JAM2: variants seen among roughly 807,000 people sequenced by gnomAD.
JAM2 encodes the protein junctional adhesion molecule B.
Under a neutral mutation model 42.0 loss-of-function variants are expected in JAM2, and 17 were observed. That is an observed-to-expected ratio of 0.40 (90% confidence interval 0.28 to 0.61). JAM2 has a LOEUF of 0.61. Among genes scored for constraint, JAM2 ranks in the 20% least tolerant of loss-of-function variants. The pLI is 0.37. For missense variants in JAM2, 319 were observed against 358.3 expected, an observed-to-expected ratio of 0.89 and a Z score of 0.89; for synonymous variants, 118 against 128.6, an observed-to-expected ratio of 0.92 and a Z score of 0.56.
chr21:25,676,988 T>C (rs535524711), intron 1 of JAM2, among the ~76,000 whole-genome samples: 1 of 152,270 alleles, frequency 6.6e-6, no homozygotes, highest in South Asian at 2.1e-4. Flanking sequence ...GACCATACAT[T>C]TTAAATATTT....
intron 8 of JAM2, chr21:25,710,056 A>T (rs2034350897): frequency 6.6e-6 from 1 of 152,210 alleles, no homozygotes; most frequent in South Asian, 2.1e-4. Context: ...ATGGTAGTAC[A>T]GAGAGAATGA....
intron 2 of JAM2, among the ~76,000 whole-genome samples, chr21:25,685,357 C>CA (rs1047003610): frequency 8.6e-5 from 13 of 151,022 alleles, no homozygotes; most frequent in Non-Finnish European, 1.5e-4. Flanking sequence ...CCTGTTTCTA[C>CA]AAAAAAACAA....
chr21:25,707,032 C>T (rs1190394083), intron 7 of JAM2, among the ~76,000 whole-genome samples: 1 of 152,064 alleles, frequency 6.6e-6, no homozygotes, highest in Non-Finnish European at 1.5e-5. Flanking sequence ...GCCACCGCGC[C>T]CAGACAAGAT....
intron 6 of JAM2, among the ~76,000 whole-genome samples, chr21:25,705,154 T>A (rs1253614032): frequency 6.6e-6 from 1 of 152,198 alleles, no homozygotes; most frequent in Non-Finnish European, 1.5e-5. Flanking sequence ...TACACCCATA[T>A]ACATATAATT....
chr21:25,675,602 A>G (rs1399735858), intron 1 of JAM2, among the ~76,000 whole-genome samples: 1 of 133,700 alleles, frequency 7.5e-6, no homozygotes, highest in Admixed American at 7.6e-5. Flanking sequence ...GAAAGAAGGA[A>G]GGAAGGAGGG....
chr21:25,640,028 C>A, intron 1 of JAM2, 140 bp downstream of exon 1: 1 of 559,714 alleles, frequency 1.8e-6, no homozygotes, highest in South Asian at 2.7e-5. Context: ...TGCGCCCAGG[C>A]GAGCGGGAAA....
chr21:25,650,979 C>A (rs2032758934), intron 1 of JAM2, among the ~76,000 whole-genome samples: 1 of 146,448 alleles, frequency 6.8e-6, no homozygotes, highest in Non-Finnish European at 1.5e-5. Flanking sequence ...ACCTGATATT[C>A]TCCATGAGAA....
chr21:25,701,713 G>A (rs1365308022), intron 5 of JAM2, among the ~76,000 whole-genome samples: 1 of 152,120 alleles, frequency 6.6e-6, no homozygotes, highest in Non-Finnish European at 1.5e-5. Context: ...GGTAGTAACT[G>A]GCTCTTTAAA....
chr21:25,668,093 A>G (rs993283126), intron 1 of JAM2, among the ~76,000 whole-genome samples: 3 of 152,212 alleles, frequency 2.0e-5, no homozygotes, highest in Non-Finnish European at 2.9e-5. Flanking sequence ...GGAAACAGCC[A>G]GAGTCTGGCC....
At chr21:25,672,864 T>G (rs965867035) in intron 1 of JAM2, among the ~76,000 whole-genome samples, 6 of 152,202 alleles carry the variant, frequency 3.9e-5, no homozygotes, top group Admixed American at 6.5e-5. Context: ...GGTAACTTAC[T>G]CTTAAGGAGA....
At chr21:25,689,783 G>A in intron 2 of JAM2, 83 bp from the exon 3 acceptor site, 1 of 832,618 alleles carries the variant, frequency 1.2e-6, no homozygotes. Flanking sequence ...ATTTAAAGTT[G>A]TTTACAATTT....
At chr21:25,640,994 G>C (rs9985150) in intron 1 of JAM2, among the ~76,000 whole-genome samples, 3,214 of 152,286 alleles carry the variant, frequency 0.021, 100 homozygotes, top group African/African-American at 0.073. Flanking sequence ...CACAGCTCAA[G>C]TGATGTGAGC....
chr21:25,684,069 C>A, intron 2 of JAM2, 121 bp downstream of exon 2: 1 of 583,670 alleles, frequency 1.7e-6, no homozygotes, highest in Non-Finnish European at 2.9e-6. Context: ...ATTCCTCTGC[C>A]TGAAATGCTG....
intron 1 of JAM2, among the ~76,000 whole-genome samples, chr21:25,664,566 G>C (rs755644815): frequency 2.6e-5 from 4 of 152,154 alleles, no homozygotes; most frequent in Non-Finnish European, 5.9e-5. Flanking sequence ...AACCTTACTT[G>C]ACCTTTCTAG....
At chr21:25,652,892 C>T (rs931209554) in intron 1 of JAM2, among the ~76,000 whole-genome samples, 3 of 152,162 alleles carry the variant, frequency 2.0e-5, no homozygotes, top group Non-Finnish European at 4.4e-5. Context: ...AGTAGTTTGC[C>T]ACCATATGCA....
chr21:25,639,842 C>A lies in JAM2; in HGVS notation c.21C>A (p.His7Gln), dbSNP rs8132639. The change falls in exon 1 of 10, where the codon CAC becomes CAA. Residue 7 changes from histidine (H) to glutamine (Q), a missense_variant. By Grantham distance (24) the His-to-Gln change is conservative (BLOSUM62 0). Coordinates refer to ENST00000480456, the MANE Select transcript of JAM2 (RefSeq NM_021219.4). MARRSR[H>Q]RLLLLLLRYL... is the part of the protein sequence containing the mutation. Reference sequence around the variant, plus strand: ...GGAAGATGGCGAGGAGGAGCCGCCACCGCCTCCTCCTGCTGCTGCTGCGCT... The same window carrying A: ...GGAAGATGGCGAGGAGGAGCCGCCAACGCCTCCTCCTGCTGCTGCTGCGCT... 5,034 of 1,590,384 alleles carry A rather than the reference C, an allele frequency of 3.2e-3. 125 individuals are homozygous for A. In the African/African-American group the frequency reaches 0.059, roughly 19 times the overall value.
At chr21:25,705,135 A>G (rs777381160) in intron 6 of JAM2, among the ~76,000 whole-genome samples, 1 of 152,240 alleles carries the variant, frequency 6.6e-6, no homozygotes, top group Non-Finnish European at 1.5e-5. Flanking sequence ...ATGACTGTGT[A>G]TGTGTGTATA....
chr21:25,709,374 T>C, intron 7 of JAM2, 60 bp from the exon 8 acceptor site: 1 of 850,084 alleles, frequency 1.2e-6, no homozygotes, highest in East Asian at 2.5e-5. Context: ...CATTTTTATA[T>C]GAATCTGTAT....
chr21:25,665,692 T>A (rs964050622), intron 1 of JAM2, among the ~76,000 whole-genome samples: 1 of 152,140 alleles, frequency 6.6e-6, no homozygotes, highest in Admixed American at 6.5e-5. Flanking sequence ...AGGCCTTCAA[T>A]TGACCGGATG....
Sources: gnomAD v4.1 joint callset for allele counts (sites outside exome capture counted in the v4.1 genomes callset) on GRCh38, gnomAD v4.1.1 for gene constraint, MANE v1.5 for transcripts, NCBI Gene and HGNC (gene_info 2026-07-23, HGNC 2026-07-21) for gene names.